Variants in SYVN1 observed in about 807,000 individuals in gnomAD.
The protein encoded by SYVN1 is E3 ubiquitin-protein ligase synoviolin.
A neutral mutation model predicts 62.6 loss-of-function variants in SYVN1; 17 were observed. That is an observed-to-expected ratio of 0.27 (90% CI 0.19 to 0.41). The LOEUF (loss-of-function observed/expected upper bound fraction) is 0.41, where lower values mean the gene tolerates loss of function less well. Ranked by LOEUF, SYVN1 falls within the 10% of genes least tolerant of loss-of-function variation. SYVN1 has a pLI of 1.00. For synonymous variants in SYVN1, 316 were observed against 304.0 expected (o/e 1.04, Z -0.41); for missense variants, 634 against 818.0 (o/e 0.78, Z 2.74).
At chr11:65,132,379 G>C (rs368912717) in intron 5 of SYVN1, 28 bp from the exon 6 acceptor site, 69 of 1,505,190 alleles carry the variant, frequency 4.6e-5, no homozygotes, top group African/African-American at 4.5e-4. Flanking sequence ...CATGCAGGGT[G>C]GGGGGGTCAG....
Position 65,128,290 on chromosome 11 carries a change from GCAGA to G in SYVN1, c.*88_*91del, listed in dbSNP as rs1474615972. Reference sequence around the variant, plus strand: ...AGAGCTGGGGGTACTACTCCCTGGTGCAGACAGAGAGGGAGCTGGCACTTGGTGG... The same window carrying G: ...AGAGCTGGGGGTACTACTCCCTGGTGCAGAGAGGGAGCTGGCACTTGGTGG... On this transcript the variant is annotated 3_prime_UTR_variant, in exon 16 of 16. Coordinates refer to ENST00000377190, the MANE Select transcript of SYVN1 (RefSeq NM_172230.3). 4 of 1,051,040 alleles carry G rather than the reference GCAGA, an allele frequency of 3.8e-6. No individual in the cohort carries two copies. The African/African-American group carries it at 4.7e-5, about 12-fold the overall frequency. 65.1% of individuals were successfully genotyped at this position (1,051,040 alleles called of 1,614,324 possible). A position where few individuals can be genotyped will look rare whatever the true frequency, so the allele number is the denominator to read the frequency against.
rs1948203335 is a variant in SYVN1, at chr11:65,133,207, C to T, written c.178G>A (p.Val60Met). ...AFVLVFLLGK[V>M]MGKVFFGQLR... ...TGCCCAAAGAACACCTTGCCCATCA[C>T]CTTGCCCAGAAGGAAGACAAGGACA... Residue 60 changes from valine (V) to methionine (M), a missense_variant, in exon 3 of 16, where the codon GTG becomes ATG. By Grantham distance (21) the Val-to-Met change is conservative. Transcript: ENST00000377190. The T allele has an allele frequency of 1.2e-6, 2 of 1,614,088 alleles. No homozygotes were observed. The highest frequency in any genetic ancestry group is 1.3e-5 in the African/African-American group (1 of 74,914).
intron 7 of SYVN1, 28 bp downstream of exon 7, chr11:65,131,442 G>C (rs758327157): frequency 1.2e-6 from 2 of 1,614,032 alleles, no homozygotes; most frequent in Non-Finnish European, 8.5e-7. Flanking sequence ...TGCTGGTCCA[G>C]ATCAGGAGAG....
rs769625240 is a variant in SYVN1, at chr11:65,130,219, C to T, written c.1234+32G>A. 12 of 1,609,118 alleles carry T rather than the reference C, an allele frequency of 7.5e-6. No individual in the cohort carries two copies. In the African/African-American group the frequency reaches 1.3e-4, roughly 18 times the overall value. ...GTCAGTGAGTGTTCCATCCCTGCCGCCCCCTGGCTGTCACAGTACCCAAAG... is the reference window on the plus strand; with the variant it reads ...GTCAGTGAGTGTTCCATCCCTGCCGTCCCCTGGCTGTCACAGTACCCAAAG... On this transcript the variant is annotated intron_variant, in intron 12 of 15. Transcript: ENST00000377190.
rs760233941 is a variant in SYVN1, at chr11:65,130,055, G to A, written c.1355C>T (p.Pro452Leu). 6 of 1,606,082 alleles carry A rather than the reference G, an allele frequency of 3.7e-6. No individual in the cohort carries two copies. In the African/African-American group the frequency reaches 8.0e-5, roughly 21 times the overall value. ...CCAGGGAGGAGGGAAGGGGAAACCA[G>A]GGGCAGGGCCAGCCTCTGGGGCAGA... The part of the protein sequence containing the change: ...SGSAPEAGPA[P>L]GFPFPPPWMG... The change falls in exon 13 of 16, where the codon CCT becomes CTT. Residue 452 changes from proline (P) to leucine (L), a missense_variant. By Grantham distance (98) the Pro-to-Leu change is moderately conservative (BLOSUM62 -3). Around this residue, in one of 2 missense-constraint regions of SYVN1, gnomAD observed 351 missense variants for 373.3 expected, o/e 0.94. Transcript: ENST00000377190.
intron 2 of SYVN1, 70 bp downstream of exon 2, chr11:65,133,400 C>G (rs1298970095): frequency 3.6e-5 from 58 of 1,596,618 alleles, no homozygotes; most frequent in Non-Finnish European, 4.7e-5. Flanking sequence ...ACCTCTAGCC[C>G]CGCCCCTTGC....
Position 65,130,111 on chromosome 11 carries a change from A to G in SYVN1, c.1299T>C (p.Ala433=). 6.2e-7 allele frequency: 1 copy of G among 1,611,544 alleles called. No homozygotes were observed. Among genetic ancestry groups the G allele is most frequent in the South Asian group, 1.1e-5 (1 of 90,648 alleles). ...TTAAGTSATA[A]SATASGPGSG... is the part of the protein sequence containing the mutation. ...AGCCTGGGCCAGATGCTGTGGCAGA[A>G]GCAGCAGTAGCACTGGTGCCAGCAG... The change falls in exon 13 of 16, where the codon GCT becomes GCC. Residue 433 remains alanine, a synonymous_variant. Coordinates refer to ENST00000377190, the MANE Select transcript of SYVN1 (RefSeq NM_172230.3).
In SYVN1 at chr11:65,127,545, G is replaced by C. The variant is rs1022493210; in HGVS notation, c.*837C>G. ...TTCAACTTCAAAAGACAAAATTTAA[G>C]CCAAAAGACACTAGTAAGGAAGTAA... is the stretch of plus-strand genomic sequence containing the variant. On this transcript the variant is annotated 3_prime_UTR_variant, in exon 16 of 16. Transcript: ENST00000377190. 1 of 153,568 alleles carries C rather than the reference G, an allele frequency of 6.5e-6. No homozygotes were observed. Among genetic ancestry groups the C allele is most frequent in the African/African-American group, 2.4e-5 (1 of 41,490 alleles). The allele number at this position is 153,568 out of a possible 1,614,324, so 9.5% of individuals were successfully genotyped here. A position where few individuals can be genotyped will look rare whatever the true frequency, so the allele number is the denominator to read the frequency against.
Position 65,127,752 on chromosome 11 carries a change from G to GA in SYVN1, c.*629_*630insT, listed in dbSNP as rs1948119538. On this transcript the variant is annotated 3_prime_UTR_variant, in exon 16 of 16. Coordinates refer to ENST00000377190, the MANE Select transcript of SYVN1 (RefSeq NM_172230.3). ...CAGAGGAAAGGGGCCTGGGGGGAGG[G>GA]GCGGGGCAGGGTCCCTCAGTGCTGC... 6.5e-6 allele frequency: 1 copy of GA among 152,828 alleles called. No individual in the cohort carries two copies. The highest frequency in any genetic ancestry group is 2.4e-5 in the African/African-American group (1 of 41,418). 9.5% of individuals were successfully genotyped at this position (152,828 alleles called of 1,614,324 possible).
At position 65,130,686 on chromosome 11, in the gene SYVN1, G is replaced by T. The variant is rs757073672; in HGVS notation, c.1079C>A (p.Pro360Gln). The T allele has an allele frequency of 1.1e-5, 17 of 1,487,760 alleles. No individual in the cohort carries two copies. The highest frequency in any genetic ancestry group is 2.5e-4 in the Middle Eastern group (1 of 3,962). The allele number at this position is 1,487,760 out of a possible 1,614,324, so 92.2% of individuals were successfully genotyped here. The change falls in exon 11 of 16, where the codon CCA (proline) becomes CAA (glutamine). Residue 360 changes from proline to glutamine, a missense_variant. Physicochemically the swap from Pro to Gln is moderately conservative, Grantham distance 76. Around this residue, in one of 2 missense-constraint regions of SYVN1, gnomAD observed 351 missense variants for 373.3 expected, o/e 0.94. Transcript: ENST00000377190. ...GTTGGGGGGCTGAGGCAAGAGTGGT[G>T]GGGGGTGGGGGGCAGGGGGTGGCCC... ...DQGPPPAPHP[P>Q]PLLPQPPNFP...
Position 65,129,878 on chromosome 11 carries a change from A to C in SYVN1, c.1446T>G (p.Ala482=). 1 of 1,614,086 alleles carries C rather than the reference A, an allele frequency of 6.2e-7. No individual in the cohort carries two copies. Among genetic ancestry groups the C allele is most frequent in the South Asian group, 1.1e-5 (1 of 91,086 alleles). ...PPMPVPPAGF[A]GLTPEELRAL... ...CTCGTAGCTCCTCTGGGGTCAGCCC[A>C]GCAAAGCCCGCAGGGGGCACAGGCA... is the stretch of plus-strand genomic sequence containing the variant. The change falls in exon 14 of 16, where the codon GCT becomes GCG. Residue 482 remains alanine (A), a synonymous_variant. Transcript: ENST00000377190.
Position 65,131,594 on chromosome 11 carries a change from A to T in SYVN1, c.534T>A (p.Tyr178Ter). 1 of 1,613,550 alleles carries T rather than the reference A, an allele frequency of 6.2e-7. No homozygotes were observed. Among genetic ancestry groups the T allele is most frequent in the Non-Finnish European group, 8.5e-7 (1 of 1,179,952 alleles). ...TGAGCACCATCGTCATCAGGATGGC[A>T]TACTGAAGGGAGAGGGGGACGAGGG... ...ASVQLVFGFE[Y>*]AILMTMVLTI... The change falls in exon 7 of 16, where the codon TAT (tyrosine) becomes TAA (stop). Residue 178 changes from tyrosine to a stop codon, truncating the protein, a stop_gained and splice_region_variant. Transcript: ENST00000377190. LOFTEE classifies it high-confidence loss of function.
chr11:65,134,082 G>T (rs969137978), intron 1 of SYVN1, among the ~76,000 whole-genome samples: 2 of 152,252 alleles, frequency 1.3e-5, no homozygotes, highest in African/African-American at 4.8e-5. Flanking sequence ...AGCTGTGTTA[G>T]GGTGGGCAGT....
At position 65,129,782 on chromosome 11, in the gene SYVN1, C is replaced by T; in HGVS notation, c.1542G>A (p.Leu514=). The change falls in exon 14 of 16, where the codon CTG becomes CTA. Residue 514 remains leucine (L), a synonymous_variant. Coordinates refer to ENST00000377190, the MANE Select transcript of SYVN1 (RefSeq NM_172230.3). ...GGTTGATCTGCAGCATGGCGGCGTC[C>T]AGCAGTGTGTGGATGTTACGCAGGC... ...LQSLRNIHTL[L]DAAMLQINQY... 6.2e-7 allele frequency: 1 copy of T among 1,614,242 alleles called. No homozygotes were observed. Among genetic ancestry groups the T allele is most frequent in the South Asian group, 1.1e-5 (1 of 91,086 alleles).
In SYVN1 at chr11:65,131,364, T is replaced by C. The variant is rs760392836; in HGVS notation, c.668A>G (p.Lys223Arg). The C allele has an allele frequency of 1.2e-5, 19 of 1,613,904 alleles. No homozygotes were observed. The highest frequency in any genetic ancestry group is 2.2e-5 in the East Asian group (1 of 44,858). The change falls in exon 8 of 16, where the codon AAG (lysine) becomes AGG (arginine). Residue 223 changes from lysine (K) to arginine (R), a missense_variant. By Grantham distance (26) the Lys-to-Arg change is conservative. Around this residue, in one of 2 missense-constraint regions of SYVN1, gnomAD observed 283 missense variants for 444.7 expected, o/e 0.64. Coordinates refer to ENST00000377190, the MANE Select transcript of SYVN1 (RefSeq NM_172230.3). Reference sequence around the variant, plus strand: ...CATGAAGGCCATGTACAGCAGAACCTTGATGAAGCCTGAGGGGAGGGGATG... The same window carrying C: ...CATGAAGGCCATGTACAGCAGAACCCTGATGAAGCCTGAGGGGAGGGGATG... ...LYTELFTGFI[K>R]VLLYMAFMTI...
In SYVN1 at chr11:65,132,290, G is replaced by A; in HGVS notation, c.489C>T (p.Ile163=). The A allele has an allele frequency of 1.2e-6, 2 of 1,614,144 alleles. No individual in the cohort carries two copies. Among genetic ancestry groups the A allele is most frequent in the Non-Finnish European group, 8.5e-7 (1 of 1,179,998 alleles). The change falls in exon 6 of 16, where the codon ATC becomes ATT. Residue 163 remains isoleucine (I), a synonymous_variant. Coordinates refer to ENST00000377190, the MANE Select transcript of SYVN1 (RefSeq NM_172230.3). ...FLFVSHAYHS[I]LTRGASVQLV... ...GCTGCACAGAGGCCCCACGGGTCAG[G>A]ATGCTGTGATAGGCGTGGCTGACGA...
chr11:65,128,103 G>C lies in SYVN1; in HGVS notation c.*279C>G. ...GGTGGGGGAAGAAGAGGGCTTCTCA[G>C]AGGCTAAACCTTCTGCCTTCATGGC... On this transcript the variant is annotated 3_prime_UTR_variant, in exon 16 of 16. Coordinates refer to ENST00000377190, the MANE Select transcript of SYVN1 (RefSeq NM_172230.3). The C allele has an allele frequency of 1.8e-6, 1 of 551,898 alleles. No individual in the cohort carries two copies. Among genetic ancestry groups the C allele is most frequent in the Non-Finnish European group, 3.2e-6 (1 of 310,188 alleles). 34.2% of individuals were successfully genotyped at this position (551,898 alleles called of 1,614,324 possible). A position where few individuals can be genotyped will look rare whatever the true frequency, so the allele number is the denominator to read the frequency against.
intron 2 of SYVN1, 54 bp from the exon 3 acceptor site, chr11:65,133,306 G>A: frequency 1.9e-6 from 3 of 1,596,754 alleles, no homozygotes; most frequent in Non-Finnish European, 2.6e-6. Flanking sequence ...TCCTCTCCTT[G>A]GGACTCATCA....
At chr11:65,130,537 C>A (rs760075456) in intron 11 of SYVN1, 123 bp downstream of exon 11, 21 of 1,415,822 alleles carry the variant, frequency 1.5e-5, no homozygotes, top group Non-Finnish European at 1.8e-5. Flanking sequence ...ATCTTTTAAT[C>A]CCTCCCTGGC....
Sources: allele counts gnomAD v4.1 joint callset (sites outside exome capture counted in the v4.1 genomes callset), GRCh38; gene constraint gnomAD v4.1.1; regional missense constraint gnomAD v4.1.1; transcripts MANE v1.5; gene names NCBI Gene and HGNC (gene_info 2026-07-23, HGNC 2026-07-21).